The following PLCL1 variants were observed in gnomAD, a reference collection of about 807,000 sequenced individuals.
PLCL1 encodes phospholipase C like 1 (inactive).
In PLCL1, 41 loss-of-function variants were observed where a neutral mutation model predicts 84.4. That is an observed-to-expected ratio of 0.49 (90% CI 0.38 to 0.63). PLCL1 has a LOEUF of 0.63. Ranked by LOEUF, PLCL1 falls within the 30% of genes least tolerant of loss-of-function variation. The pLI is 0.00. For missense variants in PLCL1, 1,206 were observed against 1,367.8 expected, an observed-to-expected ratio of 0.88 and a Z score of 1.87; for synonymous variants, 490 against 488.3, an observed-to-expected ratio of 1.00 and a Z score of -0.05.
intron 1 of PLCL1, among the ~76,000 whole-genome samples, chr2:197,924,468 C>A (rs1171075488): frequency 6.6e-6 from 1 of 151,978 alleles, no homozygotes; most frequent in African/African-American, 2.4e-5. Context: ...TTAGTAACAA[C>A]AACAAACAGT....
intron 1 of PLCL1, among the ~76,000 whole-genome samples, chr2:197,851,404 G>GT (rs1456603884): frequency 1.3e-5 from 2 of 152,204 alleles, no homozygotes; most frequent in African/African-American, 4.8e-5. Context: ...AATCTGAAGA[G>GT]TTTTTTCTAT....
At position 197,898,996 on chromosome 2, in the gene PLCL1, G is replaced by C. The variant is rs187007546; in HGVS notation, c.240+93657G>C. ...ATGACATAGGCTGTCTTTAACCAAA[G>C]TAACAGCATATTTCTGTCTCCTTTT... On this transcript the variant is annotated intron_variant, in intron 1 of 5. Coordinates refer to ENST00000428675, the MANE Select transcript of PLCL1 (RefSeq NM_006226.4). 1.9e-3 allele frequency among the ~76,000 whole-genome samples: 291 copies of C among 152,220 alleles called. 2 individuals carry two copies. The highest frequency in any genetic ancestry group is 3.5e-3 in the Non-Finnish European group (236 of 68,004).
intron 1 of PLCL1, among the ~76,000 whole-genome samples, chr2:198,028,260 T>TTTTATTTATA (rs1297336027): frequency 2.6e-5 from 4 of 152,350 alleles, no homozygotes; most frequent in South Asian, 4.1e-4. Context: ...ATGCACATAT[T>TTTTATTTATA]ACATCAATTG....
chr2:197,940,245 A>G (rs1689132682), intron 1 of PLCL1, among the ~76,000 whole-genome samples: 1 of 152,200 alleles, frequency 6.6e-6, no homozygotes, highest in African/African-American at 2.4e-5. Flanking sequence ...TTTGTGATAT[A>G]ATTTTCTTTG....
intron 5 of PLCL1, among the ~76,000 whole-genome samples, chr2:198,120,978 T>C (rs1693854027): frequency 1.3e-5 from 2 of 152,040 alleles, no homozygotes; most frequent in Non-Finnish European, 1.5e-5. Flanking sequence ...TCGCCAGCAT[T>C]TTTTATTGCC....
rs535507016 is a variant in PLCL1 at position 197,809,367 on chromosome 2, A to G, written c.240+4028A>G. On this transcript the variant is annotated intron_variant, in intron 1 of 5. Transcript: ENST00000428675. ...CTGGTTCTCAGATGCAAGAAGTCCC[A>G]CAATCCATCAACACTTCTAGGTTTG... is the stretch of plus-strand genomic sequence containing the variant. 2.8e-4 allele frequency among the ~76,000 whole-genome samples: 43 copies of G among 152,360 alleles called. No individual in the cohort carries two copies. In the South Asian group the frequency reaches 8.9e-3, roughly 32 times the overall value.
intron 5 of PLCL1, 50 bp downstream of exon 5, chr2:198,103,986 A>C: frequency 3.5e-6 from 3 of 850,056 alleles, no homozygotes; most frequent in Non-Finnish European, 5.6e-6. Context: ...TCTTCTCCTC[A>C]TCTCTCCAAT....
intron 1 of PLCL1, among the ~76,000 whole-genome samples, chr2:197,830,895 GA>G (rs1691044963): frequency 6.6e-6 from 1 of 152,144 alleles, no homozygotes; most frequent in Admixed American, 6.5e-5. Flanking sequence ...TTTCAACCCA[GA>G]ATTTCATATC....
intron 3 of PLCL1, among the ~76,000 whole-genome samples, chr2:198,092,358 G>T (rs1019148191): frequency 5.3e-5 from 8 of 152,102 alleles, no homozygotes; most frequent in African/African-American, 1.9e-4. Flanking sequence ...AGCCACACTG[G>T]CTTTCTTTGC....
At chr2:198,065,650 T>A (rs1692306694) in intron 1 of PLCL1, among the ~76,000 whole-genome samples, 1 of 152,188 alleles carries the variant, frequency 6.6e-6, no homozygotes, top group Non-Finnish European at 1.5e-5. Context: ...AGAAAATGAT[T>A]TGTTTTGCCA....
At chr2:197,830,131 T>A (rs1691025616) in intron 1 of PLCL1, among the ~76,000 whole-genome samples, 1 of 151,896 alleles carries the variant, frequency 6.6e-6, no homozygotes, top group Admixed American at 6.6e-5. Context: ...GGATCACAAC[T>A]CCTGGCCAGC....
At chr2:198,008,064 T>C (rs995220880) in intron 1 of PLCL1, among the ~76,000 whole-genome samples, 1 of 152,114 alleles carries the variant, frequency 6.6e-6, no homozygotes, top group Non-Finnish European at 1.5e-5. Flanking sequence ...TTGTTAGAGA[T>C]ATGTTAGTGA....
intron 1 of PLCL1, among the ~76,000 whole-genome samples, chr2:197,914,632 T>C (rs1041016823): frequency 3.9e-5 from 6 of 152,192 alleles, no homozygotes; most frequent in African/African-American, 1.4e-4. Context: ...CCCGGCCATA[T>C]TTTTATGTTA....
chr2:197,805,063 C>T lies in PLCL1; in HGVS notation c.-37C>T. On this transcript the variant is annotated 5_prime_UTR_variant, in exon 1 of 6. Coordinates refer to ENST00000428675, the MANE Select transcript of PLCL1 (RefSeq NM_006226.4). The surrounding 1 kb of genome is among the most constrained non-coding windows in gnomAD (Gnocchi z 4.0). Reference sequence around the variant, plus strand: ...GCGGCTGGACTCCGCTGCCGGGCGTCCCGCTTTCCCCCGGGGAGCCCTAAA... The same window carrying T: ...GCGGCTGGACTCCGCTGCCGGGCGTTCCGCTTTCCCCCGGGGAGCCCTAAA... 7.0e-7 allele frequency: 1 copy of T among 1,421,166 alleles called. No homozygotes were observed. The highest frequency in any genetic ancestry group is 9.1e-7 in the Non-Finnish European group (1 of 1,093,110). The allele number at this position is 1,421,166 out of a possible 1,614,324, so 88.0% of individuals were successfully genotyped here. A position where few individuals can be genotyped will look rare whatever the true frequency, so the allele number is the denominator to read the frequency against.
chr2:198,118,385 G>C (rs1693794246), intron 5 of PLCL1, among the ~76,000 whole-genome samples: 1 of 151,838 alleles, frequency 6.6e-6, no homozygotes, highest in Non-Finnish European at 1.5e-5. Context: ...GAGAGGGAGA[G>C]GAGAGAGAGA....
intron 1 of PLCL1, among the ~76,000 whole-genome samples, chr2:197,945,751 T>C (rs1689259088): frequency 6.6e-6 from 1 of 152,214 alleles, no homozygotes; most frequent in African/African-American, 2.4e-5. Flanking sequence ...AAAGCTCTTA[T>C]ACTTTGTGAA....
intron 5 of PLCL1, among the ~76,000 whole-genome samples, chr2:198,140,215 A>G (rs985466647): frequency 6.6e-6 from 1 of 152,102 alleles, no homozygotes; most frequent in Non-Finnish European, 1.5e-5. Context: ...TTATTGAGTG[A>G]TACAGATGTT....
At chr2:197,901,555 G>A (rs979007769) in intron 1 of PLCL1, among the ~76,000 whole-genome samples, 1 of 152,186 alleles carries the variant, frequency 6.6e-6, no homozygotes, top group Admixed American at 6.5e-5. Context: ...TCAGGCAACA[G>A]CAATGTTCCA....
intron 1 of PLCL1, among the ~76,000 whole-genome samples, chr2:197,862,157 T>A (rs1687444852): frequency 6.6e-6 from 1 of 152,176 alleles, no homozygotes; most frequent in South Asian, 2.1e-4. Flanking sequence ...CTATAACTTT[T>A]AAGAACCTGT....
Sources: gnomAD v4.1 joint callset for allele counts (sites outside exome capture counted in the v4.1 genomes callset) on GRCh38, gnomAD v4.1.1 for gene constraint, Gnocchi (gnomAD v3.1) non-coding constraint, MANE v1.5 for transcripts, NCBI Gene and HGNC (gene_info 2026-07-23, HGNC 2026-07-21) for gene names.